The following KANSL3 variants were observed in gnomAD, a reference collection of about 807,000 sequenced individuals.
The protein encoded by KANSL3 is NSL complex protein NSL3.
Under a neutral mutation model 89.2 loss-of-function variants are expected in KANSL3, and 16 were observed. That is an observed-to-expected ratio of 0.18 (90% CI 0.12 to 0.27). The LOEUF (loss-of-function observed/expected upper bound fraction) is 0.27. Ranked by LOEUF, KANSL3 falls within the 10% of genes least tolerant of loss-of-function variation. The pLI is 1.00. For missense variants in KANSL3, 879 were observed against 1,110.6 expected, an observed-to-expected ratio of 0.79 and a Z score of 2.96; for synonymous variants, 385 against 419.7, an observed-to-expected ratio of 0.92 and a Z score of 1.01.
chr2:96,613,012 T>A (rs1358589189), intron 6 of KANSL3, 78 bp from the exon 7 acceptor site: 2 of 911,734 alleles, frequency 2.2e-6, no homozygotes, highest in African/African-American at 1.6e-5. Flanking sequence ...CCCAATACCT[T>A]TCTCATCCCA....
At chr2:96,585,658 C>T in the KANSL3 span, among the ~76,000 whole-genome samples, 49 of 152,218 alleles carry the variant, frequency 3.2e-4, 1 homozygote, top group African/African-American at 1.2e-3. Context: ...AAGTCACTTG[C>T]ACACACATCT....
intron 3 of KANSL3, 91 bp from the exon 4 acceptor site, chr2:96,619,853 A>G: frequency 9.7e-7 from 1 of 1,035,890 alleles, no homozygotes; most frequent in Non-Finnish European, 1.4e-6. Flanking sequence ...CCATAGTTTT[A>G]TGTCTCTGCT....
Position 96,602,187 on chromosome 2 carries a change from A to C in KANSL3, c.2411T>G (p.Leu804Arg). Residue 804 changes from leucine (L) to arginine (R), a missense_variant, in exon 19 of 21, where the codon CTG (leucine) becomes CGG (arginine). By Grantham distance (102) the Leu-to-Arg change is moderately radical. Transcript: ENST00000431828. ...GGKPTAIHQL[L>R]TNGGLAKLAS... ...CAACTTAGCGAGGCCCCCATTGGTC[A>C]GCAGCTGGTGGATGGCTGTGGGCTT... 1 of 1,605,714 alleles carries C rather than the reference A, an allele frequency of 6.2e-7. No homozygotes were observed. The highest frequency in any genetic ancestry group is 1.1e-5 in the South Asian group (1 of 89,106).
the KANSL3 span, among the ~76,000 whole-genome samples, chr2:96,584,126 A>G: frequency 6.6e-6 from 1 of 152,198 alleles, no homozygotes; most frequent in South Asian, 2.1e-4. Context: ...TACATATTAC[A>G]AACATTTTAT....
the KANSL3 span, among the ~76,000 whole-genome samples, chr2:96,580,725 TAA>T: frequency 2.2e-4 from 33 of 152,228 alleles, no homozygotes; most frequent in African/African-American, 7.7e-4. Flanking sequence ...GTTTGCATTT[TAA>T]AAAGTGTCAT....
intron 20 of KANSL3, chr2:96,598,050 G>A: frequency 1.0e-6 from 1 of 970,154 alleles, no homozygotes; most frequent in Non-Finnish European, 1.2e-6. Flanking sequence ...TAACTGGCTG[G>A]CCCAGGCCAT....
rs776105073 is a variant in KANSL3, at chr2:96,608,997, C to T, written c.1451G>A (p.Arg484Gln). 2.0e-5 allele frequency: 32 copies of T among 1,564,142 alleles called. 1 individual carries two copies. Among genetic ancestry groups the T allele is most frequent in the Non-Finnish European group, 2.5e-5 (29 of 1,154,076 alleles). ...RAEGHMGSEP[R>Q]DQDAEKKKKP... ...CTTCTTCTTCTCAGCATCCTGATCC[C>T]GAGGTTCAGAGCCCATGTGACCCTC... is the stretch of plus-strand genomic sequence containing the variant. Residue 484 changes from arginine to glutamine, a missense_variant, in exon 13 of 21, where the codon CGG becomes CAG. Arg to Gln is a conservative substitution (Grantham distance 43). Around this residue, in one of 6 missense-constraint regions of KANSL3, gnomAD observed 317 missense variants for 311.2 expected, o/e 1.02. Transcript: ENST00000431828.
At chr2:96,608,830 C>T (rs893211460) in intron 13 of KANSL3, 34 bp downstream of exon 13, 2 of 1,526,680 alleles carry the variant, frequency 1.3e-6, no homozygotes, top group African/African-American at 1.4e-5. Flanking sequence ...GTGCTGATTC[C>T]CCAGCAAAAG....
the KANSL3 span, among the ~76,000 whole-genome samples, chr2:96,585,473 T>C: frequency 5.3e-5 from 8 of 152,064 alleles, no homozygotes; most frequent in East Asian, 7.7e-4. Flanking sequence ...TTTAAAATAA[T>C]AGATGCTGGC....
In KANSL3 at chr2:96,605,425, G is replaced by T; in HGVS notation, c.1828C>A (p.Pro610Thr). 1 of 1,613,974 alleles carries T rather than the reference G, an allele frequency of 6.2e-7. No homozygotes were observed. Among genetic ancestry groups the T allele is most frequent in the Non-Finnish European group, 8.5e-7 (1 of 1,179,852 alleles). Residue 610 changes from proline to threonine, a missense_variant, in exon 15 of 21, where the codon CCT becomes ACT. Pro to Thr is a conservative substitution (Grantham distance 38). This residue lies in a region of KANSL3 where 317 missense variants were observed against 311.2 expected (regional missense o/e 1.02). Transcript: ENST00000431828. ...GGTCGTTTGGAGGTCTTACTGCCAGGAAGGGGACTCGAGGGATGGTGTCGC... is the reference window on the plus strand; with the variant it reads ...GGTCGTTTGGAGGTCTTACTGCCAGTAAGGGGACTCGAGGGATGGTGTCGC... ...LKRHHPSSPL[P>T]GSKTSKRPKI...
the KANSL3 span, among the ~76,000 whole-genome samples, chr2:96,586,282 G>T: frequency 6.6e-6 from 1 of 151,930 alleles, no homozygotes; most frequent in South Asian, 2.1e-4. Flanking sequence ...AAGGGTGGGG[G>T]TGATTAAAAT....
intron 3 of KANSL3, among the ~76,000 whole-genome samples, chr2:96,630,419 G>C (rs1458277627): frequency 6.8e-6 from 1 of 148,062 alleles, no homozygotes; most frequent in Non-Finnish European, 1.5e-5. Flanking sequence ...GAAGCCAGTA[G>C]GAAAAGACCA....
Position 96,595,053 on chromosome 2 carries a change from G to C in KANSL3, c.*558C>G, listed in dbSNP as rs2066427884. Reference sequence around the variant, plus strand: ...AGTATCTGACGTGGTTTCTAAGGTGGAGTTGCATGGGGAGCACTCTCCCGT... The same window carrying C: ...AGTATCTGACGTGGTTTCTAAGGTGCAGTTGCATGGGGAGCACTCTCCCGT... On this transcript the variant is annotated 3_prime_UTR_variant, in exon 21 of 21. Coordinates refer to ENST00000431828, the MANE Select transcript of KANSL3 (RefSeq NM_001115016.3). The C allele has an allele frequency of 6.6e-6, 1 of 152,560 alleles. No homozygotes were observed. The highest frequency in any genetic ancestry group is 2.4e-5 in the African/African-American group (1 of 41,448). 9.5% of individuals were successfully genotyped at this position (152,560 alleles called of 1,614,324 possible). A position where few individuals can be genotyped will look rare whatever the true frequency, so the allele number is the denominator to read the frequency against.
rs144053034 is a variant in KANSL3, at chr2:96,596,375, A to C, written c.2617-744T>G. ...AGTTTAAGACCAGCCTGGGCAACTT[A>C]GCCCATCTCTACAAAATTTTTTCAA... On this transcript the variant is annotated intron_variant, in intron 20 of 20. Coordinates refer to ENST00000431828, the MANE Select transcript of KANSL3 (RefSeq NM_001115016.3). Among the ~76,000 whole-genome samples the C allele has an allele frequency of 7.2e-5, 11 of 152,372 alleles. 1 individual carries two copies. Among genetic ancestry groups the C allele is most frequent in the African/African-American group, 2.6e-4 (11 of 41,584 alleles).
chr2:96,626,850 A>C (rs1015292365), intron 3 of KANSL3, among the ~76,000 whole-genome samples: 1 of 152,228 alleles, frequency 6.6e-6, no homozygotes, highest in African/African-American at 2.4e-5. Flanking sequence ...AAGAGGCCGG[A>C]CAGAAAATGT....
chr2:96,610,627 T>TAA, intron 11 of KANSL3, 99 bp downstream of exon 11: 1 of 1,423,030 alleles, frequency 7.0e-7, no homozygotes, highest in African/African-American at 1.4e-5. Context: ...TGCTGTCTTT[T>TAA]AACTGAACCA....
At chr2:96,632,672 A>G (rs1004707327) in intron 2 of KANSL3, among the ~76,000 whole-genome samples, 5 of 152,216 alleles carry the variant, frequency 3.3e-5, no homozygotes, top group African/African-American at 1.2e-4. Context: ...AAAGTGGCTA[A>G]CAAGTTGATT....
chr2:96,628,090 G>A (rs1573602097), intron 3 of KANSL3: 2 of 1,290,290 alleles, frequency 1.6e-6, no homozygotes, highest in Middle Eastern at 2.1e-4. Context: ...GGAGACTGGA[G>A]AAAGATAAGC....
chr2:96,614,469 T>C (rs2069580848), intron 5 of KANSL3, among the ~76,000 whole-genome samples: 1 of 152,168 alleles, frequency 6.6e-6, no homozygotes, highest in Non-Finnish European at 1.5e-5. Flanking sequence ...ATAGAAAATA[T>C]AAAGATTATC....
Sources: allele counts gnomAD v4.1 joint callset (sites outside exome capture counted in the v4.1 genomes callset), GRCh38; gene constraint gnomAD v4.1.1; regional missense constraint gnomAD v4.1.1; transcripts MANE v1.5; gene names NCBI Gene and HGNC (gene_info 2026-07-23, HGNC 2026-07-21).